Variants in RTTN observed in about 807,000 individuals in gnomAD.
RTTN encodes rotatin.
In RTTN, 182 loss-of-function variants were observed where a neutral mutation model predicts 269.2. The observed-to-expected ratio is 0.68, with a 90% CI of 0.60 to 0.76. The LOEUF is 0.76. Ranked by LOEUF, RTTN falls within the 30% of genes least tolerant of loss-of-function variation. RTTN has a pLI of 0.00. For missense variants in RTTN, 2,545 were observed against 2,608.6 expected (o/e 0.98, Z 0.53); for synonymous variants, 1,006 against 963.5 (o/e 1.04, Z -0.82).
At chr18:70,067,884 T>A (rs942348652) in intron 34 of RTTN, among the ~76,000 whole-genome samples, 1 of 152,204 alleles carries the variant, frequency 6.6e-6, no homozygotes, top group Non-Finnish European at 1.5e-5. Flanking sequence ...TTAATAAAGA[T>A]GTGATTTTCC....
intron 16 of RTTN, among the ~76,000 whole-genome samples, chr18:70,149,273 G>A (rs1030259406): frequency 2.0e-5 from 3 of 152,042 alleles, no homozygotes; most frequent in Admixed American, 6.6e-5. Flanking sequence ...CAACCTTCTT[G>A]ACACTTGCTG....
Position 70,150,756 on chromosome 18 carries a change from A to C in RTTN, c.1930-23T>G, listed in dbSNP as rs766136479. On this transcript the variant is annotated intron_variant, in intron 14 of 48. Transcript: ENST00000640769. ...TTCCTGTAAAATAATATTAAAAAGT[A>C]TTTTTAAATTAGCAACACTGATTTT... 3 of 1,516,986 alleles carry C rather than the reference A, an allele frequency of 2.0e-6. No homozygotes were observed. In the South Asian group the frequency reaches 3.7e-5, roughly 19 times the overall value. The allele number at this position is 1,516,986 out of a possible 1,614,324, so 94.0% of individuals were successfully genotyped here.
intron 21 of RTTN, among the ~76,000 whole-genome samples, chr18:70,135,656 T>C (rs73466793): frequency 1.7e-4 from 26 of 152,324 alleles, no homozygotes; most frequent in African/African-American, 6.0e-4. Context: ...GTCAGATAAT[T>C]CTAGCTAAAG....
chr18:70,176,243 ATGT>A (rs1450215384), intron 11 of RTTN, among the ~76,000 whole-genome samples: 24 of 147,186 alleles, frequency 1.6e-4, no homozygotes, highest in Non-Finnish European at 2.4e-4. Flanking sequence ...GTATATGTAT[ATGT>A]ATATGTATAT....
At chr18:70,057,960 A>T in intron 36 of RTTN, 128 bp from the exon 37 acceptor site, 1 of 568,974 alleles carries the variant, frequency 1.8e-6, no homozygotes, top group East Asian at 3.0e-5. Flanking sequence ...TTATAAGCAA[A>T]GAAAATGTTT....
At chr18:70,042,528 G>GC (rs905356190) in intron 40 of RTTN, among the ~76,000 whole-genome samples, 4 of 151,882 alleles carry the variant, frequency 2.6e-5, no homozygotes, top group Non-Finnish European at 5.9e-5. Flanking sequence ...GGTGCCCGCC[G>GC]CCATGTCTGG....
At chr18:70,156,233 G>GA (rs2060672424) in intron 14 of RTTN, among the ~76,000 whole-genome samples, 2 of 152,172 alleles carry the variant, frequency 1.3e-5, no homozygotes, top group South Asian at 4.1e-4. Flanking sequence ...ACATCCCTGA[G>GA]AAAGAGAATG....
At chr18:70,056,737 T>C (rs527512658) in intron 37 of RTTN, among the ~76,000 whole-genome samples, 3 of 152,318 alleles carry the variant, frequency 2.0e-5, no homozygotes, top group Admixed American at 1.3e-4. Flanking sequence ...TTCACTAACT[T>C]TGGGTCCCAC....
At position 70,202,967 on chromosome 18, in the gene RTTN, CTT is replaced by C. The variant is rs35542740; in HGVS notation, c.398-986_398-985del. Among the ~76,000 whole-genome samples the C allele has an allele frequency of 4.8e-4, 67 of 140,536 alleles. 1 individual carries two copies. Among genetic ancestry groups the C allele is most frequent in the African/African-American group, 5.5e-4 (21 of 38,360 alleles). The allele number at this position is 140,536 out of a possible 152,430, so 92.2% of individuals were successfully genotyped here. ...TGGTCTAACAGGTTAAGCATCAAAA[CTT>C]TTTTTTTTTTTTTTTACTTTTACTA... On this transcript the variant is annotated intron_variant, in intron 3 of 48. Transcript: ENST00000640769.
intron 26 of RTTN, among the ~76,000 whole-genome samples, chr18:70,118,587 C>T (rs76203899): frequency 0.067 from 10,126 of 152,000 alleles, 654 homozygotes; most frequent in African/African-American, 0.16. Context: ...CACTTTATGA[C>T]GGCAGCATTA....
At position 70,045,768 on chromosome 18, in the gene RTTN, C is replaced by T. The variant is rs558769887; in HGVS notation, c.5541+2203G>A. Among the ~76,000 whole-genome samples the T allele has an allele frequency of 2.0e-5, 3 of 152,282 alleles. No homozygotes were observed. In the East Asian group the frequency reaches 5.8e-4, roughly 29 times the overall value. ...GATGTCATGTATCCAAATTCTACTG[C>T]TTACACGAACACAAAGAGTATGATT... is the stretch of plus-strand genomic sequence containing the variant. On this transcript the variant is annotated intron_variant, in intron 40 of 48. Coordinates refer to ENST00000640769, the MANE Select transcript of RTTN (RefSeq NM_173630.4).
chr18:70,026,351 TG>T (rs1450288425), intron 43 of RTTN, among the ~76,000 whole-genome samples: 1 of 152,132 alleles, frequency 6.6e-6, no homozygotes, highest in African/African-American at 2.4e-5. Flanking sequence ...GTTTATATCT[TG>T]GGGGCGGATT....
rs28370305 is a variant in RTTN at position 70,127,918 on chromosome 18, T to C, written c.3144-177A>G. On this transcript the variant is annotated intron_variant, in intron 24 of 48. Transcript: ENST00000640769. ...TATCTGTCAATATTAGGATTTTACA[T>C]TGGCATCCCAAATGTTTATATTGAC... The C allele has an allele frequency of 7.2e-3, 4,403 of 607,694 alleles. 143 individuals are homozygous for C. In the African/African-American group the frequency reaches 0.074, roughly 10 times the overall value. 37.6% of individuals were successfully genotyped at this position (607,694 alleles called of 1,614,324 possible).
intron 9 of RTTN, among the ~76,000 whole-genome samples, chr18:70,189,989 T>G (rs1313308224): frequency 1.3e-5 from 2 of 152,236 alleles, no homozygotes; most frequent in Non-Finnish European, 2.9e-5. Context: ...TAAGAAAAAT[T>G]ACTACAAAGG....
intron 38 of RTTN, 145 bp downstream of exon 38, chr18:70,053,986 A>G (rs1156595817): frequency 3.1e-6 from 2 of 649,104 alleles, no homozygotes; most frequent in African/African-American, 3.6e-5. Flanking sequence ...AGGCATCCAA[A>G]CTATAAAACA....
rs113475449 is a variant in RTTN, at chr18:70,151,006, T to C, written c.1930-273A>G. Reference sequence around the variant, plus strand: ...ATAATCTCTTAAAGTTAATTCATCATGACAGACACAAAGGACATAAACACA... The same window carrying C: ...ATAATCTCTTAAAGTTAATTCATCACGACAGACACAAAGGACATAAACACA... On this transcript the variant is annotated intron_variant, in intron 14 of 48. Coordinates refer to ENST00000640769, the MANE Select transcript of RTTN (RefSeq NM_173630.4). Among the ~76,000 whole-genome samples, 2,643 of 151,774 alleles carry C rather than the reference T, an allele frequency of 0.017. 30 individuals carry two copies. Among genetic ancestry groups the C allele is most frequent in the South Asian group, 0.039 (187 of 4,816 alleles).
chr18:70,086,823 G>A (rs756112744), intron 31 of RTTN, 139 bp from the exon 32 acceptor site: 146 of 754,486 alleles, frequency 1.9e-4, no homozygotes, highest in Non-Finnish European at 2.8e-4. Flanking sequence ...TGCACATGCT[G>A]AGAGGTCATT....
intron 28 of RTTN, among the ~76,000 whole-genome samples, chr18:70,100,286 C>G (rs992231565): frequency 1.3e-4 from 19 of 150,158 alleles, no homozygotes; most frequent in East Asian, 1.2e-3. Context: ...TCCTTGAAGA[C>G]GTCCTTCACA....
intron 17 of RTTN, among the ~76,000 whole-genome samples, chr18:70,148,337 G>A (rs1443758254): frequency 2.0e-5 from 3 of 152,066 alleles, no homozygotes; most frequent in African/African-American, 7.2e-5. Flanking sequence ...GACAGAGAAG[G>A]AAGAAAAACA....
Sources: allele counts gnomAD v4.1 joint callset (sites outside exome capture counted in the v4.1 genomes callset), GRCh38; gene constraint gnomAD v4.1.1; transcripts MANE v1.5; gene names NCBI Gene and HGNC (gene_info 2026-07-23, HGNC 2026-07-21).